Variants in EYS observed in about 807,000 individuals in gnomAD.
The protein encoded by EYS is protein eyes shut homolog.
A neutral mutation model predicts 282.1 loss-of-function variants in EYS; 250 were observed. The observed-to-expected ratio is 0.89, with a 90% CI of 0.80 to 0.98. EYS has a LOEUF of 0.98. Ranked by LOEUF, EYS falls within the 50% of genes least tolerant of loss-of-function variation. The pLI is 0.00. For missense variants in EYS, 4,016 were observed against 3,709.0 expected (o/e 1.08, Z -2.15); for synonymous variants, 1,355 against 1,282.9 (o/e 1.06, Z -1.20).
intron 26 of EYS, among the ~76,000 whole-genome samples, chr6:64,537,770 C>G (rs1443566863): frequency 6.6e-6 from 1 of 152,162 alleles, no homozygotes; most frequent in East Asian, 1.9e-4. Flanking sequence ...TTAAATGAAA[C>G]TTCCTATTTG....
chr6:65,117,076 T>G (rs2150193093), intron 12 of EYS, among the ~76,000 whole-genome samples: 1 of 152,312 alleles, frequency 6.6e-6, no homozygotes, highest in Non-Finnish European at 1.5e-5. Flanking sequence ...TGAATCACTT[T>G]CAGGAAACAT....
intron 2 of EYS, among the ~76,000 whole-genome samples, chr6:65,609,849 C>T (rs1765929587): frequency 6.6e-6 from 1 of 152,006 alleles, no homozygotes; most frequent in South Asian, 2.1e-4. Flanking sequence ...AATATATAGG[C>T]CACATATCAT....
chr6:64,594,445 T>A (rs1004712410), intron 24 of EYS, among the ~76,000 whole-genome samples: 1 of 152,018 alleles, frequency 6.6e-6, no homozygotes, highest in African/African-American at 2.4e-5. Context: ...GCAACCCAAA[T>A]GTCCAACAAT....
At chr6:65,106,418 A>G (rs560426774) in intron 12 of EYS, among the ~76,000 whole-genome samples, 1 of 152,130 alleles carries the variant, frequency 6.6e-6, no homozygotes, top group Admixed American at 6.6e-5. Flanking sequence ...AAGAAAACAG[A>G]TGTCTTAAAT....
intron 28 of EYS, among the ~76,000 whole-genome samples, chr6:64,414,561 GC>G (rs1239947524): frequency 6.6e-6 from 1 of 152,052 alleles, no homozygotes. Context: ...ATTGCTAGGA[GC>G]CATAAAGTAA....
intron 5 of EYS, among the ~76,000 whole-genome samples, chr6:65,439,490 G>A (rs1187969998): frequency 1.3e-5 from 2 of 152,214 alleles, no homozygotes; most frequent in East Asian, 1.9e-4. Context: ...AGCATGGAAT[G>A]TTCTTCCATT....
At chr6:65,407,965 C>T (rs1766826845) in intron 5 of EYS, among the ~76,000 whole-genome samples, 2 of 151,918 alleles carry the variant, frequency 1.3e-5, no homozygotes, top group South Asian at 2.1e-4. Flanking sequence ...GATTGTGTTT[C>T]TATTTCTAAT....
intron 31 of EYS, among the ~76,000 whole-genome samples, chr6:64,217,321 G>A (rs1765961670): frequency 1.3e-5 from 2 of 152,110 alleles, no homozygotes; most frequent in Non-Finnish European, 2.9e-5. Context: ...CTGAGGTCAG[G>A]AGTTTGAGAC....
At chr6:65,154,274 C>A (rs1289755019) in intron 12 of EYS, among the ~76,000 whole-genome samples, 3 of 150,210 alleles carry the variant, frequency 2.0e-5, no homozygotes, top group Non-Finnish European at 4.4e-5. Context: ...GAATAAACTG[C>A]CTTAAAATGG....
At chr6:65,438,997 T>G (rs1269626314) in intron 5 of EYS, among the ~76,000 whole-genome samples, 1 of 152,178 alleles carries the variant, frequency 6.6e-6, no homozygotes, top group East Asian at 1.9e-4. Flanking sequence ...GGTCTAACAT[T>G]TAAGTCTTTA....
At chr6:64,442,887 C>G (rs112703170) in intron 26 of EYS, among the ~76,000 whole-genome samples, 14,006 of 86,304 alleles carry the variant, frequency 0.16, 2,176 homozygotes, top group African/African-American at 0.42. Context: ...ACTTCTGCCA[C>G]GGCAGTGCAG....
chr6:64,385,139 G>C (rs1772867875), intron 29 of EYS, among the ~76,000 whole-genome samples: 1 of 152,142 alleles, frequency 6.6e-6, no homozygotes, highest in Non-Finnish European at 1.5e-5. Context: ...ATGATACTTA[G>C]ATATTCAGAG....
At chr6:65,522,234 T>C (rs995914237) in intron 2 of EYS, among the ~76,000 whole-genome samples, 2 of 152,350 alleles carry the variant, frequency 1.3e-5, no homozygotes, top group African/African-American at 4.8e-5. Context: ...AGATTCTATA[T>C]ATTCTGATCT....
intron 22 of EYS, among the ~76,000 whole-genome samples, chr6:64,635,064 T>C (rs944022213): frequency 6.6e-6 from 1 of 151,894 alleles, no homozygotes; most frequent in Non-Finnish European, 1.5e-5. Flanking sequence ...GATTCCTAGG[T>C]ATTTTATTCT....
intron 2 of EYS, among the ~76,000 whole-genome samples, chr6:65,516,164 T>C (rs1490628753): frequency 6.6e-6 from 1 of 152,088 alleles, no homozygotes; most frequent in African/African-American, 2.4e-5. Flanking sequence ...TATATTAAAA[T>C]AATTCTGGCA....
chr6:65,061,192 G>C (rs1176476092), intron 12 of EYS, among the ~76,000 whole-genome samples: 1 of 151,894 alleles, frequency 6.6e-6, no homozygotes, highest in African/African-American at 2.4e-5. Flanking sequence ...CCAAAATGTA[G>C]ATTGAATTTA....
chr6:64,412,989 T>A (rs1773951391), intron 28 of EYS, among the ~76,000 whole-genome samples: 1 of 152,070 alleles, frequency 6.6e-6, no homozygotes, highest in Non-Finnish European at 1.5e-5. Flanking sequence ...AGGATACTAG[T>A]AGAAGAGAGC....
intron 1 of EYS, among the ~76,000 whole-genome samples, chr6:65,688,503 C>A (rs544663086): frequency 1.3e-5 from 2 of 152,122 alleles, no homozygotes; most frequent in Admixed American, 6.5e-5. Flanking sequence ...TAGGCAATAC[C>A]ATTCAGGACA....
At chr6:64,769,040 C>A in intron 22 of EYS, among the ~76,000 whole-genome samples, 1 of 152,066 alleles carries the variant, frequency 6.6e-6, no homozygotes, top group East Asian at 1.9e-4. Flanking sequence ...GCCAGCTAGT[C>A]ACTTTCATAT....
Sources: gnomAD v4.1 joint callset for allele counts (sites outside exome capture counted in the v4.1 genomes callset) on GRCh38, gnomAD v4.1.1 for gene constraint, MANE v1.5 for transcripts, NCBI Gene and HGNC (gene_info 2026-07-23, HGNC 2026-07-21) for gene names.